The following RAF1 variants were observed in gnomAD, a reference collection of about 807,000 sequenced individuals.
The protein encoded by RAF1 is Raf-1 proto-oncogene, serine/threonine kinase.
Under a neutral mutation model 81.1 loss-of-function variants are expected in RAF1, and 27 were observed. The ratio of observed to expected loss-of-function variants is 0.33; its 90% CI spans 0.25 to 0.46. The LOEUF is 0.46. RAF1 is among the 20% of genes least tolerant of loss of function. The pLI is 1.00. For synonymous variants in RAF1, 298 were observed against 294.0 expected, an observed-to-expected ratio of 1.01 and a Z score of -0.14; for missense variants, 598 against 826.0, an observed-to-expected ratio of 0.72 and a Z score of 3.38.
At chr3:12,604,113 C>T (rs1333337154) in intron 7 of RAF1, 23 bp downstream of exon 7, 2 of 1,613,526 alleles carry the variant, frequency 1.2e-6, no homozygotes, top group Non-Finnish European at 1.7e-6. Flanking sequence ...ACTGACATTA[C>T]CACCCCCAAG....
At chr3:12,598,700 T>C (rs1313306920) in intron 11 of RAF1, among the ~76,000 whole-genome samples, 1 of 110,294 alleles carries the variant, frequency 9.1e-6, no homozygotes, top group Non-Finnish European at 1.7e-5. Context: ...TACTCCAGCC[T>C]GGGCAACAGA....
intron 14 of RAF1, 175 bp from the exon 14 acceptor site, chr3:12,585,974 T>C (rs1320225608): frequency 6.5e-6 from 4 of 617,732 alleles, no homozygotes; most frequent in Non-Finnish European, 1.2e-5. Flanking sequence ...ATGCACCTTC[T>C]TCCAGAAGAC....
chr3:12,585,204 G>A lies in RAF1; in HGVS notation c.1646C>T (p.Ser549Leu), dbSNP rs756160717. Residue 549 changes from serine to leucine, a missense_variant, in exon 16 of 18, where the codon TCG (serine) becomes TTG (leucine). Ser to Leu is a moderately radical substitution (Grantham distance 145, BLOSUM62 -2). This residue lies in a region of RAF1 where 147 missense variants were observed against 196.1 expected (regional missense o/e 0.75). Transcript: ENST00000442415. ...TACGATGCCATAGGAGTAGACATCC[G>A]ACTGGAAACTGAATGGGTTGTTATC... 5 of 1,614,000 alleles carry A rather than the reference G, an allele frequency of 3.1e-6. No individual in the cohort carries two copies.
chr3:12,600,188 C>T lies in RAF1; in HGVS notation c.1014G>A (p.Arg338=), dbSNP rs2125380292. The change falls in exon 10 of 18, where the codon CGG becomes CGA. Residue 338 remains arginine, a synonymous_variant. Transcript: ENST00000442415. ...TCTCCTGGGTCCCAGATACTGGTGCCCGCTCTCTTTGTGCTGGCACGGGGG... is the reference window on the plus strand; with the variant it reads ...TCTCCTGGGTCCCAGATACTGGTGCTCGCTCTCTTTGTGCTGGCACGGGGG... 1.2e-6 allele frequency: 2 copies of T among 1,614,142 alleles called. No homozygotes were observed. The highest frequency in any genetic ancestry group is 1.7e-6 in the Non-Finnish European group (2 of 1,180,028).
In RAF1 at chr3:12,661,427, G is replaced by C. The variant is rs2060874162; in HGVS notation, c.-27+2386C>G. On this transcript the variant is annotated intron_variant, in intron 1 of 17. Transcript: ENST00000442415. ...TTACTTATATTTAAAATTTAGGCCA[G>C]GCACAGTGGCTCATGCCTGTAATCC... Among the ~76,000 whole-genome samples the C allele has an allele frequency of 6.6e-5, 10 of 152,246 alleles. No homozygotes were observed. In the South Asian group the frequency reaches 2.1e-3, roughly 32 times the overall value.
chr3:12,653,061 C>T (rs929528214), intron 1 of RAF1, among the ~76,000 whole-genome samples: 1 of 152,002 alleles, frequency 6.6e-6, no homozygotes, highest in Non-Finnish European at 1.5e-5. Context: ...GCGGGTAGAT[C>T]GCTTGAGGCC....
chr3:12,655,274 C>T (rs1258323336), intron 1 of RAF1, among the ~76,000 whole-genome samples: 2 of 151,928 alleles, frequency 1.3e-5, no homozygotes, highest in African/African-American at 4.8e-5. Flanking sequence ...TTAGTAGAGA[C>T]GGGGTTTCAC....
intron 14 of RAF1, 87 bp from the exon 14 acceptor site, chr3:12,585,886 C>A (rs1194430403): frequency 1.6e-5 from 15 of 916,530 alleles, no homozygotes; most frequent in Non-Finnish European, 2.7e-5. Context: ...ACACGGTAAT[C>A]TCTCCACCTT....
chr3:12,592,731 CTTTTTT>C (rs35189562), intron 11 of RAF1, among the ~76,000 whole-genome samples: 1 of 107,226 alleles, frequency 9.3e-6, no homozygotes, highest in African/African-American at 3.8e-5. Flanking sequence ...TTAAAAGCCA[CTTTTTT>C]TTTTTTTTTT....
chr3:12,603,388 C>A, intron 8 of RAF1: 1 of 563,188 alleles, frequency 1.8e-6, no homozygotes, highest in Non-Finnish European at 3.2e-6. Flanking sequence ...TTTAACTTAG[C>A]AACTATTTCA....
At chr3:12,634,490 C>A (rs977942265) in intron 1 of RAF1, among the ~76,000 whole-genome samples, 9 of 151,948 alleles carry the variant, frequency 5.9e-5, no homozygotes, top group African/African-American at 2.2e-4. Flanking sequence ...AGGAATATAG[C>A]AAGAGAAAGA....
In RAF1 at chr3:12,631,018, C is replaced by A. The variant is rs1296470165; in HGVS notation, c.-26-12271G>T. Among the ~76,000 whole-genome samples, 3 of 152,058 alleles carry A rather than the reference C, an allele frequency of 2.0e-5. No homozygotes were observed. In the East Asian group the frequency reaches 5.8e-4, roughly 29 times the overall value. On this transcript the variant is annotated intron_variant, in intron 1 of 17. Transcript: ENST00000442415. ...ATGGGGTTTCACTGTGTTGGCCAGG[C>A]TTAAATCTTAAAAGGATTGTTCCAG...
chr3:12,651,881 T>C (rs986658497), intron 1 of RAF1, among the ~76,000 whole-genome samples: 1 of 150,968 alleles, frequency 6.6e-6, no homozygotes, highest in Non-Finnish European at 1.5e-5. Context: ...TGGTGGCGCA[T>C]GCCTGTGGTC....
chr3:12,598,003 T>C (rs2058736173), intron 11 of RAF1, among the ~76,000 whole-genome samples: 1 of 116,962 alleles, frequency 8.5e-6, no homozygotes, highest in Non-Finnish European at 1.9e-5. Context: ...GATGCAATTT[T>C]CTTTTCCTTT....
chr3:12,620,965 A>C (rs1184567905), intron 1 of RAF1, among the ~76,000 whole-genome samples: 2 of 151,338 alleles, frequency 1.3e-5, no homozygotes, highest in African/African-American at 4.9e-5. Context: ...GTTCATGGTC[A>C]GAAACCATGC....
At position 12,630,173 on chromosome 3, in the gene RAF1, A is replaced by AT. The variant is rs888925486; in HGVS notation, c.-26-11427dup. On this transcript the variant is annotated intron_variant, in intron 1 of 17. Coordinates refer to ENST00000442415, the MANE Select transcript of RAF1 (RefSeq NM_001354689.3). ...CTCACAATTTTACTAATCCTAACACATTTTTTTGGGTATCATCTTCTAATA... is the reference window on the plus strand; with the variant it reads ...CTCACAATTTTACTAATCCTAACACATTTTTTTTGGGTATCATCTTCTAATA... 2.6e-5 allele frequency among the ~76,000 whole-genome samples: 4 copies of AT among 152,170 alleles called. No individual in the cohort carries two copies. The South Asian group carries it at 6.2e-4, about 24-fold the overall frequency.
chr3:12,657,555 T>TGAGGTCGG (rs1172805326), intron 1 of RAF1, among the ~76,000 whole-genome samples: 2 of 152,114 alleles, frequency 1.3e-5, no homozygotes, highest in Non-Finnish European at 2.9e-5. Flanking sequence ...GCAGATTACC[T>TGAGGTCGG]GAGGTCGGGA....
intron 1 of RAF1, among the ~76,000 whole-genome samples, chr3:12,619,138 G>A (rs1320974569): frequency 4.6e-5 from 7 of 152,272 alleles, no homozygotes; most frequent in East Asian, 1.9e-4. Context: ...CCAGCTACTC[G>A]GGAGGCTGAG....
intron 1 of RAF1, among the ~76,000 whole-genome samples, chr3:12,636,304 A>C (rs76054838): frequency 6.7e-6 from 1 of 150,298 alleles, no homozygotes; most frequent in Admixed American, 6.6e-5. Context: ...AAAAAAAAAA[A>C]CAGCTGGGTT....
Sources: allele counts gnomAD v4.1 joint callset (sites outside exome capture counted in the v4.1 genomes callset), GRCh38; gene constraint gnomAD v4.1.1; regional missense constraint gnomAD v4.1.1; transcripts MANE v1.5; gene names NCBI Gene and HGNC (gene_info 2026-07-23, HGNC 2026-07-21).